The following EIF4G3 variants were observed in gnomAD, a reference collection of about 807,000 sequenced individuals.
EIF4G3 encodes eukaryotic translation initiation factor 4 gamma 3.
A neutral mutation model predicts 186.4 loss-of-function variants in EIF4G3; 34 were observed. That is an observed-to-expected ratio of 0.18 (90% confidence interval 0.14 to 0.24). The LOEUF is 0.24. EIF4G3 is among the 10% of genes least tolerant of loss of function. EIF4G3 has a pLI of 1.00. For synonymous variants in EIF4G3, 673 were observed against 679.5 expected, an observed-to-expected ratio of 0.99 and a Z score of 0.15; for missense variants, 1,536 against 1,948.5, an observed-to-expected ratio of 0.79 and a Z score of 3.99.
chr1:21,055,805 G>A lies in EIF4G3; in HGVS notation c.-195-4811C>T, dbSNP rs1029762526. Among the ~76,000 whole-genome samples, 9 of 151,886 alleles carry A rather than the reference G, an allele frequency of 5.9e-5. 1 individual carries two copies. The highest frequency in any genetic ancestry group is 1.5e-5 in the Non-Finnish European group (1 of 67,954). ...ATAAAAAATATAAACCTGTACACTAGTATCAACAGAAATATATGAAATAAT... is the reference window on the plus strand; with the variant it reads ...ATAAAAAATATAAACCTGTACACTAATATCAACAGAAATATATGAAATAAT... On this transcript the variant is annotated intron_variant, in intron 3 of 36. Transcript: ENST00000602326.
At position 20,999,816 on chromosome 1, in the gene EIF4G3, T is replaced by A. The variant is rs181004405; in HGVS notation, c.144+1383A>T. On this transcript the variant is annotated intron_variant, in intron 6 of 36. Transcript: ENST00000602326. ...AAACTGTAGTCGCTGCTGGCTCATA[T>A]TAAAACTAGAAATTTTTCTTTCTTT... 151 of 395,148 alleles carry A rather than the reference T, an allele frequency of 3.8e-4. 1 individual carries two copies. The East Asian group carries it at 0.01, about 26-fold the overall frequency. The allele number at this position is 395,148 out of a possible 1,614,324, so 24.5% of individuals were successfully genotyped here. A position where few individuals can be genotyped will look rare whatever the true frequency, so the allele number is the denominator to read the frequency against.
intron 18 of EIF4G3, among the ~76,000 whole-genome samples, chr1:20,890,235 A>G (rs979356640): frequency 1.6e-4 from 24 of 151,996 alleles, no homozygotes; most frequent in African/African-American, 5.6e-4. Context: ...AGCCTCCCAA[A>G]GTGCTGGGAT....
chr1:20,976,123 C>G (rs1035531873), intron 10 of EIF4G3, among the ~76,000 whole-genome samples: 2 of 150,738 alleles, frequency 1.3e-5, no homozygotes, highest in African/African-American at 2.5e-5. Flanking sequence ...CAAACACACA[C>G]ACAGAGGTTT....
intron 2 of EIF4G3, among the ~76,000 whole-genome samples, chr1:21,117,894 T>C (rs890024163): frequency 1.3e-5 from 2 of 152,064 alleles, no homozygotes; most frequent in Non-Finnish European, 2.9e-5. Context: ...AGGTCTTTGT[T>C]CAACACAGAC....
At position 20,936,121 on chromosome 1, in the gene EIF4G3, A is replaced by G. The variant is rs565201716; in HGVS notation, c.1663+5370T>C. ...AGGGACTTGCCAACAGGCTCAACTA[A>G]CAGGTGTCTGGGCTCATTCTGCAGT... is the stretch of plus-strand genomic sequence containing the variant. On this transcript the variant is annotated intron_variant, in intron 14 of 36. Coordinates refer to ENST00000602326, the MANE Select transcript of EIF4G3 (RefSeq NM_001391906.1). Among the ~76,000 whole-genome samples the G allele has an allele frequency of 1.6e-4, 25 of 152,290 alleles. No homozygotes were observed. In the South Asian group the frequency reaches 4.8e-3, roughly 29 times the overall value.
intron 3 of EIF4G3, among the ~76,000 whole-genome samples, chr1:21,085,345 A>C (rs1374907787): frequency 6.6e-6 from 1 of 152,126 alleles, no homozygotes. Flanking sequence ...CTTTTTGAAA[A>C]AACTATAAAA....
At chr1:20,899,518 C>A (rs1336156512) in intron 16 of EIF4G3, among the ~76,000 whole-genome samples, 179 bp downstream of exon 16, 1 of 152,158 alleles carries the variant, frequency 6.6e-6, no homozygotes, top group African/African-American at 2.4e-5. Flanking sequence ...TCATTTCCAG[C>A]AATACAGAAC....
At chr1:20,961,253 C>T (rs2096562487) in intron 12 of EIF4G3, among the ~76,000 whole-genome samples, 1 of 151,952 alleles carries the variant, frequency 6.6e-6, no homozygotes, top group Non-Finnish European at 1.5e-5. Flanking sequence ...CATGGTGGTG[C>T]ATGCCTGTAA....
intron 4 of EIF4G3, among the ~76,000 whole-genome samples, chr1:21,007,383 A>G (rs2154569433): frequency 6.6e-6 from 1 of 152,096 alleles, no homozygotes; most frequent in Admixed American, 6.6e-5. Context: ...AGATGATAAA[A>G]GCGAAACTTC....
chr1:21,159,763 T>C (rs961997045), intron 2 of EIF4G3, among the ~76,000 whole-genome samples: 3 of 151,884 alleles, frequency 2.0e-5, no homozygotes, highest in African/African-American at 7.3e-5. Context: ...GGCTGGGAGT[T>C]TGAGACCAGC....
chr1:20,880,405 AT>A (rs2081994622), intron 19 of EIF4G3, among the ~76,000 whole-genome samples: 1 of 152,152 alleles, frequency 6.6e-6, no homozygotes, highest in African/African-American at 2.4e-5. Flanking sequence ...CCAGAAATTA[AT>A]TTTTTTAAGT....
At chr1:20,857,326 T>TTGTGTGTG (rs145504996) in intron 25 of EIF4G3, 77 bp downstream of exon 25, 2 of 1,108,314 alleles carry the variant, frequency 1.8e-6, no homozygotes, top group African/African-American at 3.1e-5. Flanking sequence ...CTATTGTAAA[T>TTGTGTGTG]TGTGTGTGTG....
At chr1:20,866,992 G>T (rs529252382) in intron 20 of EIF4G3, among the ~76,000 whole-genome samples, 101 of 152,306 alleles carry the variant, frequency 6.6e-4, no homozygotes, top group Non-Finnish European at 1.1e-3. Flanking sequence ...GTGTAGAAAA[G>T]AGAGAAATGA....
At chr1:21,103,917 T>A (rs1213465132) in intron 2 of EIF4G3, among the ~76,000 whole-genome samples, 1 of 152,152 alleles carries the variant, frequency 6.6e-6, no homozygotes, top group Non-Finnish European at 1.5e-5. Context: ...GTCCACAGAA[T>A]TCCTTACCAT....
chr1:20,851,523 G>A (rs1328398725), intron 27 of EIF4G3, 45 bp from the exon 28 acceptor site: 2 of 1,564,944 alleles, frequency 1.3e-6, no homozygotes, highest in East Asian at 2.2e-5. Context: ...ACAAGCCCAT[G>A]TCCCCCACAT....
intron 14 of EIF4G3, among the ~76,000 whole-genome samples, chr1:20,913,991 G>A (rs2093582526): frequency 6.6e-6 from 1 of 151,638 alleles, no homozygotes; most frequent in Admixed American, 6.6e-5. Flanking sequence ...TGTATTTTTA[G>A]TAGAGACGGG....
At chr1:20,972,412 T>C (rs4262515) in intron 11 of EIF4G3, among the ~76,000 whole-genome samples, 76,205 of 151,862 alleles carry the variant, frequency 0.5, 19,842 homozygotes, top group East Asian at 0.76. Context: ...GGTAGGCAGA[T>C]TGCTTGAGCT....
chr1:21,138,282 T>C (rs796871029), intron 2 of EIF4G3, among the ~76,000 whole-genome samples: 6 of 152,332 alleles, frequency 3.9e-5, no homozygotes, highest in African/African-American at 1.4e-4. Context: ...GTCAGAGCTC[T>C]GGCTCTTCAC....
At chr1:20,956,977 G>C (rs1052651107) in intron 12 of EIF4G3, among the ~76,000 whole-genome samples, 1 of 152,198 alleles carries the variant, frequency 6.6e-6, no homozygotes, top group African/African-American at 2.4e-5. Context: ...GCAAAAGGGA[G>C]TAAATAATAA....
Sources: gnomAD v4.1 joint callset for allele counts (sites outside exome capture counted in the v4.1 genomes callset) on GRCh38, gnomAD v4.1.1 for gene constraint, MANE v1.5 for transcripts, NCBI Gene and HGNC (gene_info 2026-07-23, HGNC 2026-07-21) for gene names.